Variants in DIP2C observed in about 807,000 individuals in gnomAD.
The protein encoded by DIP2C is disco-interacting protein 2 homolog C.
In DIP2C, 33 loss-of-function variants were observed where a neutral mutation model predicts 192.4. The ratio of observed to expected loss-of-function variants is 0.17; its 90% CI spans 0.13 to 0.23. The LOEUF is 0.23. DIP2C is among the 10% of genes least tolerant of loss of function. DIP2C has a pLI of 1.00. For missense variants in DIP2C, 1,537 were observed against 2,110.1 expected (o/e 0.73, Z 5.32); for synonymous variants, 979 against 864.1 (o/e 1.13, Z -2.33).
intron 1 of DIP2C, among the ~76,000 whole-genome samples, chr10:676,710 G>A (rs766965149): frequency 1.3e-5 from 2 of 152,058 alleles, no homozygotes; most frequent in Non-Finnish European, 2.9e-5. Flanking sequence ...ATCTAACCAA[G>A]AGGGTTAAAG....
intron 9 of DIP2C, among the ~76,000 whole-genome samples, chr10:404,211 T>TA (rs1491229641): frequency 3.3e-4 from 3 of 9,202 alleles, no homozygotes; most frequent in Non-Finnish European, 8.2e-4. Context: ...TCATTCTGGA[T>TA]TTTTTTTTTT....
chr10:602,298 G>A (rs115075759), intron 1 of DIP2C, among the ~76,000 whole-genome samples: 104 of 152,306 alleles, frequency 6.8e-4, no homozygotes, highest in African/African-American at 2.3e-3. Flanking sequence ...AGGCACCTGT[G>A]TCTTCCTCTT....
intron 1 of DIP2C, among the ~76,000 whole-genome samples, chr10:591,451 C>T (rs1298169713): frequency 6.6e-6 from 1 of 152,188 alleles, no homozygotes; most frequent in East Asian, 1.9e-4. Context: ...CTAAGCCACT[C>T]TCTCACACCC....
At chr10:670,177 T>C (rs1162644446) in intron 1 of DIP2C, among the ~76,000 whole-genome samples, 3 of 151,996 alleles carry the variant, frequency 2.0e-5, no homozygotes, top group Non-Finnish European at 4.4e-5. Context: ...TGCATGAACA[T>C]GTACACGTGT....
At chr10:484,893 C>T (rs755507891) in intron 2 of DIP2C, 51 of 1,611,772 alleles carry the variant, frequency 3.2e-5, no homozygotes, top group Middle Eastern at 1.6e-4. Flanking sequence ...ATGTTCTCCT[C>T]GGCGCTCCTT....
chr10:465,329 ATTCAACAACC>A (rs1407074721), intron 3 of DIP2C, among the ~76,000 whole-genome samples: 1 of 145,920 alleles, frequency 6.9e-6, no homozygotes, highest in Admixed American at 6.9e-5. Context: ...CTTTGACAAA[ATTCAACAACC>A]CTTCATGCTA....
chr10:535,198 T>C (rs987999281), intron 1 of DIP2C, among the ~76,000 whole-genome samples: 1 of 152,018 alleles, frequency 6.6e-6, no homozygotes, highest in African/African-American at 2.4e-5. Context: ...CAGGAGAAGG[T>C]GGCACCTGCC....
At chr10:535,690 C>A (rs1282490593) in intron 1 of DIP2C, among the ~76,000 whole-genome samples, 2 of 152,108 alleles carry the variant, frequency 1.3e-5, no homozygotes, top group Admixed American at 6.5e-5. Flanking sequence ...ATGTTACAGT[C>A]TGATCATAAA....
rs147449094 is a variant in DIP2C at position 582,167 on chromosome 10, C to T, written c.86-95637G>A. Among the ~76,000 whole-genome samples, 369 of 152,318 alleles carry T rather than the reference C, an allele frequency of 2.4e-3. 5 individuals are homozygous for T. Among genetic ancestry groups the T allele is most frequent in the South Asian group, 0.021 (100 of 4,826 alleles). ...GCCACCCACCCCCTGCTACAAAAACCCGGTTCCTAACAGACCGTGGACTGG... is the reference window on the plus strand; with the variant it reads ...GCCACCCACCCCCTGCTACAAAAACTCGGTTCCTAACAGACCGTGGACTGG... On this transcript the variant is annotated intron_variant, in intron 1 of 36. Coordinates refer to ENST00000280886, the MANE Select transcript of DIP2C (RefSeq NM_014974.3).
At chr10:449,512 C>G (rs11252492) in intron 3 of DIP2C, among the ~76,000 whole-genome samples, 1 of 151,204 alleles carries the variant, frequency 6.6e-6, no homozygotes, top group Non-Finnish European at 1.5e-5. Flanking sequence ...AAGTGAGTAT[C>G]TTAAAGAGAA....
intron 25 of DIP2C, among the ~76,000 whole-genome samples, 193 bp from the exon 26 acceptor site, chr10:348,955 G>A (rs767505412): frequency 2.6e-5 from 4 of 152,212 alleles, no homozygotes; most frequent in African/African-American, 4.8e-5. Context: ...TTTCAGACAT[G>A]AGGTGACGAG....
At chr10:615,625 A>ACC (rs200286435) in intron 1 of DIP2C, among the ~76,000 whole-genome samples, 104 of 151,068 alleles carry the variant, frequency 6.9e-4, no homozygotes, top group African/African-American at 2.4e-3. Context: ...ACACACACAC[A>ACC]CCCGCCCCAC....
chr10:652,568 G>A lies in DIP2C; in HGVS notation c.85+36926C>T. ...CTGCAGTGGGAGGCGGGACATGCTG[G>A]GATCTACCCATGGCCAGGCCAAGCT... On this transcript the variant is annotated intron_variant, in intron 1 of 36. Coordinates refer to ENST00000280886, the MANE Select transcript of DIP2C (RefSeq NM_014974.3). This position sits in a 1 kb window ranked among gnomAD's most constrained non-coding sequence, Gnocchi z 4.5. The A allele has an allele frequency of 6.5e-6, 1 of 154,020 alleles. No homozygotes were observed. 9.5% of individuals were successfully genotyped at this position (154,020 alleles called of 1,614,324 possible). A position where few individuals can be genotyped will look rare whatever the true frequency, so the allele number is the denominator to read the frequency against.
intron 1 of DIP2C, among the ~76,000 whole-genome samples, chr10:655,413 T>C (rs150872807): frequency 1.0e-3 from 159 of 152,278 alleles, no homozygotes; most frequent in Middle Eastern, 6.9e-3. Context: ...GCTATGCGAC[T>C]CTACTATTCC....
chr10:383,064 T>C (rs1260790819), intron 16 of DIP2C, among the ~76,000 whole-genome samples: 1 of 152,172 alleles, frequency 6.6e-6, no homozygotes, highest in African/African-American at 2.4e-5. Flanking sequence ...AAGACAGGGG[T>C]AAATCTAAAC....
chr10:484,595 T>C (rs565694585), intron 2 of DIP2C, among the ~76,000 whole-genome samples: 1 of 152,322 alleles, frequency 6.6e-6, no homozygotes, highest in East Asian at 1.9e-4. Flanking sequence ...TGGGCCCTGA[T>C]TCACAGGGAC....
At position 390,727 on chromosome 10, in the gene DIP2C, C is replaced by T; in HGVS notation, c.1384+13G>A. ...ACGTGGGCATGCGAGCTCTCGGAGGCTCGGTGGCTTACCTTTAAACTGTGG... is the reference window on the plus strand; with the variant it reads ...ACGTGGGCATGCGAGCTCTCGGAGGTTCGGTGGCTTACCTTTAAACTGTGG... On this transcript the variant is annotated intron_variant, in intron 11 of 36. Coordinates refer to ENST00000280886, the MANE Select transcript of DIP2C (RefSeq NM_014974.3). 1 of 1,611,132 alleles carries T rather than the reference C, an allele frequency of 6.2e-7. No individual in the cohort carries two copies. The highest frequency in any genetic ancestry group is 8.5e-7 in the Non-Finnish European group (1 of 1,178,830).
chr10:399,776 G>A (rs1016942741), intron 9 of DIP2C, among the ~76,000 whole-genome samples: 3 of 152,054 alleles, frequency 2.0e-5, no homozygotes, highest in Admixed American at 6.5e-5. Context: ...CACACATGGC[G>A]TGAGTTCGTG....
intron 29 of DIP2C, among the ~76,000 whole-genome samples, chr10:337,722 G>GATGTGTGTGTTGTGGAGGCCTAGGCTT (rs1957920479): frequency 6.8e-6 from 1 of 147,750 alleles, no homozygotes; most frequent in African/African-American, 2.5e-5. Context: ...GGCCTAGGCT[G>GATGTGTGTGTTGTGGAGGCCTAGGCTT]ATGTGTGTGT....
Sources: gnomAD v4.1 joint callset for allele counts (sites outside exome capture counted in the v4.1 genomes callset) on GRCh38, gnomAD v4.1.1 for gene constraint, Gnocchi (gnomAD v3.1) non-coding constraint, MANE v1.5 for transcripts, NCBI Gene and HGNC (gene_info 2026-07-23, HGNC 2026-07-21) for gene names.